Variants in CLDN14 observed in about 807,000 individuals in gnomAD.
The protein encoded by CLDN14 is claudin 14.
In CLDN14, 2 loss-of-function variants were observed where a neutral mutation model predicts 2.1. The ratio of observed to expected loss-of-function variants is 0.96; its 90% CI spans 0.39 to 3.01. The LOEUF is 3.01. CLDN14 is among the 30% of genes most tolerant of loss of function. The pLI, the probability that CLDN14 is intolerant of heterozygous loss-of-function variation, is 0.09. For synonymous variants in CLDN14, 136 were observed against 154.4 expected, an observed-to-expected ratio of 0.88 and a Z score of 0.88; for missense variants, 298 against 328.0, an observed-to-expected ratio of 0.91 and a Z score of 0.71.
intron 2 of CLDN14, among the ~76,000 whole-genome samples, chr21:36,500,804 G>A (rs757758726): frequency 6.6e-6 from 1 of 152,218 alleles, no homozygotes; most frequent in Non-Finnish European, 1.5e-5. Flanking sequence ...CCCACTTTCA[G>A]TAGGAAGTTG....
intron 1 of CLDN14, among the ~76,000 whole-genome samples, chr21:36,559,497 G>A (rs1245733555): frequency 6.6e-6 from 1 of 152,136 alleles, no homozygotes; most frequent in Non-Finnish European, 1.5e-5. Flanking sequence ...CAGGCTGGCT[G>A]AGAGTTTTTA....
chr21:36,501,761 G>T (rs183837016), intron 2 of CLDN14, among the ~76,000 whole-genome samples: 5 of 152,168 alleles, frequency 3.3e-5, no homozygotes, highest in East Asian at 1.9e-4. Flanking sequence ...AGGGCCCATG[G>T]TTTTCTCTAG....
intron 2 of CLDN14, chr21:36,486,771 G>A: frequency 2.4e-6 from 2 of 820,122 alleles, no homozygotes; most frequent in Non-Finnish European, 4.2e-6. Flanking sequence ...CGAAGGCAAT[G>A]ATATGCGTCT....
intron 1 of CLDN14, among the ~76,000 whole-genome samples, chr21:36,543,122 C>T (rs989265307): frequency 7.2e-5 from 11 of 152,158 alleles, no homozygotes; most frequent in African/African-American, 1.9e-4. Flanking sequence ...CAAGTAGGTG[C>T]GCGGAGGGAC....
intron 2 of CLDN14, among the ~76,000 whole-genome samples, chr21:36,489,128 AAAAAT>A (rs2086932854): frequency 2.0e-5 from 2 of 101,684 alleles, no homozygotes; most frequent in African/African-American, 6.7e-5. Flanking sequence ...AAAAAAAAAA[AAAAAT>A]ATATATATAT....
intron 2 of CLDN14, among the ~76,000 whole-genome samples, chr21:36,506,576 G>A (rs552342190): frequency 2.1e-5 from 3 of 145,274 alleles, no homozygotes; most frequent in African/African-American, 7.7e-5. Flanking sequence ...CAGCCTGGGT[G>A]AAAGACCAAG....
intron 1 of CLDN14, among the ~76,000 whole-genome samples, chr21:36,475,740 T>TTTTTA (rs933570983): frequency 5.9e-5 from 9 of 152,046 alleles, no homozygotes; most frequent in Non-Finnish European, 1.2e-4. Context: ...GATTTAACTT[T>TTTTTA]TTTTATTTTA....
At chr21:36,520,169 C>G (rs1261197620) in intron 1 of CLDN14, among the ~76,000 whole-genome samples, 1 of 88,792 alleles carries the variant, frequency 1.1e-5, no homozygotes, top group African/African-American at 2.6e-5. Flanking sequence ...ATCTCTGCCT[C>G]TGCCTTCACA....
At chr21:36,564,188 T>C (rs1429117873) in intron 1 of CLDN14, among the ~76,000 whole-genome samples, 1 of 152,192 alleles carries the variant, frequency 6.6e-6, no homozygotes, top group Non-Finnish European at 1.5e-5. Context: ...TCTTGCAGTG[T>C]TATATAAATT....
intron 1 of CLDN14, among the ~76,000 whole-genome samples, chr21:36,477,219 G>A (rs55828480): frequency 0.086 from 13,069 of 152,288 alleles, 688 homozygotes; most frequent in East Asian, 0.17. Context: ...TGCCTGTGAA[G>A]CTGTCCCTGC....
chr21:36,506,016 C>T (rs990082469), intron 2 of CLDN14, among the ~76,000 whole-genome samples: 6 of 152,174 alleles, frequency 3.9e-5, no homozygotes, highest in Non-Finnish European at 8.8e-5. Flanking sequence ...TATTTCTCTG[C>T]TAGAAATTCA....
chr21:36,474,959 T>C (rs183618709), intron 1 of CLDN14, among the ~76,000 whole-genome samples: 99 of 152,240 alleles, frequency 6.5e-4, no homozygotes, highest in African/African-American at 2.4e-3. Context: ...AGAAGCAACA[T>C]GATGTCTTGA....
rs920521449 is a variant in CLDN14, at chr21:36,551,276, C to T, written c.-220+25135G>A. Among the ~76,000 whole-genome samples, 9 of 152,354 alleles carry T rather than the reference C, an allele frequency of 5.9e-5. No homozygotes were observed. Among genetic ancestry groups the T allele is most frequent in the African/African-American group, 1.7e-4 (7 of 41,578 alleles). On this transcript the variant is annotated intron_variant, in intron 1 of 2. Coordinates refer to the CLDN14 transcript ENST00000342108. This position sits in a 1 kb window ranked among gnomAD's most constrained non-coding sequence, Gnocchi z 4.8. ...CTTGGCCCCCTCCCCTTGGCCTCTG[C>T]GCTGGGAGGGAGGACCCCAGTGAGA...
At chr21:36,485,874 C>A in intron 2 of CLDN14, 1 of 545,166 alleles carries the variant, frequency 1.8e-6, no homozygotes. Flanking sequence ...TTTTATGTTG[C>A]CAAGCTTTAT....
chr21:36,543,426 G>A (rs1367487144), intron 1 of CLDN14, among the ~76,000 whole-genome samples: 1 of 152,172 alleles, frequency 6.6e-6, no homozygotes, highest in Non-Finnish European at 1.5e-5. Flanking sequence ...CCAGGGAGAG[G>A]CAAACAAAAG....
At chr21:36,508,259 G>A (rs2146482273) in intron 2 of CLDN14, among the ~76,000 whole-genome samples, 1 of 152,262 alleles carries the variant, frequency 6.6e-6, no homozygotes, top group African/African-American at 2.4e-5. Flanking sequence ...TTGAGTGATT[G>A]TTCTAGACTC....
At chr21:36,566,211 T>C (rs1331587159) in intron 1 of CLDN14, among the ~76,000 whole-genome samples, 2 of 152,344 alleles carry the variant, frequency 1.3e-5, no homozygotes, top group African/African-American at 4.8e-5. Context: ...AGATAGCATA[T>C]GAATGTAATA....
At chr21:36,540,518 C>T (rs1231480896) in intron 1 of CLDN14, among the ~76,000 whole-genome samples, 3 of 152,164 alleles carry the variant, frequency 2.0e-5, no homozygotes, top group African/African-American at 7.2e-5. Flanking sequence ...TGAATGGTGG[C>T]CTTAACCTCT....
intron 2 of CLDN14, among the ~76,000 whole-genome samples, chr21:36,500,517 C>G (rs995606693): frequency 6.6e-5 from 10 of 152,140 alleles, no homozygotes; most frequent in African/African-American, 1.9e-4. Flanking sequence ...CCGCAACCTC[C>G]ACCTCCTGGG....
Sources: allele counts gnomAD v4.1 joint callset (sites outside exome capture counted in the v4.1 genomes callset), GRCh38; gene constraint gnomAD v4.1.1; non-coding constraint Gnocchi (gnomAD v3.1); transcripts MANE v1.5; gene names NCBI Gene and HGNC (gene_info 2026-07-23, HGNC 2026-07-21).